The following GPR107 variants were observed in gnomAD, a reference collection of about 807,000 sequenced individuals.
The protein encoded by GPR107 is G protein-coupled receptor 107, also known as protein GPR107.
GPR107 carries 31 observed loss-of-function variants against 75.5 expected under a neutral mutation model. The ratio of observed to expected loss-of-function variants is 0.41; its 90% CI spans 0.31 to 0.55. The LOEUF is 0.55. Ranked by LOEUF, GPR107 falls within the 20% of genes least tolerant of loss-of-function variation. The probability of loss-of-function intolerance (pLI) is 0.26; values close to 1 mark genes in which losing one functional copy is unlikely to be tolerated. For missense variants in GPR107, 572 were observed against 665.7 expected (o/e 0.86, Z 1.55); for synonymous variants, 267 against 251.3 (o/e 1.06, Z -0.59).
At chr9:130,100,756 G>C (rs2277196) in intron 11 of GPR107, 54 bp downstream of exon 11, 798,016 of 1,332,578 alleles carry the variant, frequency 0.6, 241,149 homozygotes, top group East Asian at 0.76. Flanking sequence ...CAAGACAAGG[G>C]GGGTGGGCAA....
intron 5 of GPR107, among the ~76,000 whole-genome samples, chr9:130,081,697 A>G (rs1830496646): frequency 6.6e-6 from 1 of 151,316 alleles, no homozygotes; most frequent in Non-Finnish European, 1.5e-5. Context: ...AAAAACAAAA[A>G]ACACAAAAAT....
intron 14 of GPR107, among the ~76,000 whole-genome samples, chr9:130,116,177 T>C (rs754600431): frequency 1.3e-5 from 2 of 152,172 alleles, no homozygotes; most frequent in Non-Finnish European, 2.9e-5. Flanking sequence ...TTTTTAGGCC[T>C]TTAAAGTGTT....
At chr9:130,090,686 G>A (rs1312836729) in intron 7 of GPR107, among the ~76,000 whole-genome samples, 190 bp from the exon 8 acceptor site, 1 of 152,126 alleles carries the variant, frequency 6.6e-6, no homozygotes, top group Non-Finnish European at 1.5e-5. Context: ...TGGGAGAGTC[G>A]ATAATTTAAG....
intron 1 of GPR107, among the ~76,000 whole-genome samples, chr9:130,060,876 G>T (rs1277811953): frequency 6.6e-6 from 1 of 152,196 alleles, no homozygotes. Flanking sequence ...GCTGTCGAGT[G>T]CAGTGTAACT....
At chr9:130,101,259 C>G (rs370969286) in intron 12 of GPR107, 36 bp downstream of exon 12, 6 of 1,137,900 alleles carry the variant, frequency 5.3e-6, no homozygotes, top group Non-Finnish European at 8.0e-6. Context: ...CACTTCCTTT[C>G]TTGGCGCTTA....
chr9:130,115,436 A>G (rs569023547), intron 14 of GPR107, among the ~76,000 whole-genome samples: 1 of 151,214 alleles, frequency 6.6e-6, no homozygotes, highest in South Asian at 2.1e-4. Flanking sequence ...GACCTCAAAG[A>G]GCAGTTCTGC....
At chr9:130,128,895 A>C in intron 17 of GPR107, 134 bp downstream of exon 17, 2 of 774,602 alleles carry the variant, frequency 2.6e-6, no homozygotes, top group Non-Finnish European at 4.2e-6. Context: ...AGCAGAAGGA[A>C]GCGGACACTG....
At chr9:130,062,656 GCCTGCCTTCCTTCCTTCCTT>G (rs1283725686) in intron 1 of GPR107, among the ~76,000 whole-genome samples, 3 of 46,098 alleles carry the variant, frequency 6.5e-5, no homozygotes, top group South Asian at 7.5e-4. Flanking sequence ...CTGCCTGCCT[GCCTGCCTTCCTTCCTTCCTT>G]CCTTCCTTCC....
intron 1 of GPR107, among the ~76,000 whole-genome samples, chr9:130,060,063 CGGGGGGAGGTTG>C (rs1657987994): frequency 6.7e-6 from 1 of 150,352 alleles, no homozygotes; most frequent in African/African-American, 2.4e-5. Flanking sequence ...AGTTTTATTT[CGGGGGGAGGTTG>C]GGGGGCGCAC....
At chr9:130,071,033 T>TC (rs370408667) in intron 1 of GPR107, among the ~76,000 whole-genome samples, 51 of 75,996 alleles carry the variant, frequency 6.7e-4, no homozygotes, top group Admixed American at 2.8e-3. Flanking sequence ...CTTTTTTTTT[T>TC]TCTTTTTTTT....
chr9:130,128,913 A>G (rs1831751772), intron 17 of GPR107, 152 bp downstream of exon 17: 1 of 684,914 alleles, frequency 1.5e-6, no homozygotes, highest in Non-Finnish European at 2.5e-6. Context: ...CTGGAGCCCC[A>G]GGCTGTCTGA....
At chr9:130,072,420 C>T (rs995744492) in intron 1 of GPR107, among the ~76,000 whole-genome samples, 2 of 151,916 alleles carry the variant, frequency 1.3e-5, no homozygotes, top group Admixed American at 6.6e-5. Flanking sequence ...GAGGTTTCAC[C>T]GTGTTAGCCA....
At chr9:130,132,415 G>A (rs929190222) in intron 17 of GPR107, among the ~76,000 whole-genome samples, 7 of 152,160 alleles carry the variant, frequency 4.6e-5, no homozygotes, top group Non-Finnish European at 8.8e-5. Context: ...CTGGGCCCTC[G>A]ACAACCCTGC....
intron 1 of GPR107, among the ~76,000 whole-genome samples, chr9:130,061,545 T>C (rs746324361): frequency 3.9e-5 from 6 of 152,110 alleles, no homozygotes; most frequent in Non-Finnish European, 8.8e-5. Context: ...CATGGTAGGA[T>C]GTGTGGATTT....
chr9:130,106,325 G>A (rs1350266041), intron 13 of GPR107, among the ~76,000 whole-genome samples: 7 of 152,064 alleles, frequency 4.6e-5, no homozygotes, highest in East Asian at 1.9e-4. Flanking sequence ...TAGGCTGGGC[G>A]CGGTGGTTCA....
In GPR107 at chr9:130,138,372, C is replaced by T. The variant is rs1554900280; in HGVS notation, c.*3251C>T. The T allele has an allele frequency of 6.6e-6, 1 of 152,290 alleles. No homozygotes were observed. The highest frequency in any genetic ancestry group is 1.5e-5 in the Non-Finnish European group (1 of 68,196). 9.4% of individuals were successfully genotyped at this position (152,290 alleles called of 1,614,324 possible). A position where few individuals can be genotyped will look rare whatever the true frequency, so the allele number is the denominator to read the frequency against. ...GAGATTTCCTCCTGCGTGATGACCT[C>T]ATCGCCATCTCTGCTGTCTCATTCC... On this transcript the variant is annotated 3_prime_UTR_variant, in exon 18 of 18. Transcript: ENST00000347136.
intron 1 of GPR107, among the ~76,000 whole-genome samples, chr9:130,072,683 T>A (rs1034762580): frequency 6.6e-6 from 1 of 151,866 alleles, no homozygotes; most frequent in Non-Finnish European, 1.5e-5. Context: ...GAAATGATGA[T>A]GCAAAGGTTT....
chr9:130,075,266 A>G (rs866500369), intron 1 of GPR107, among the ~76,000 whole-genome samples: 6 of 131,842 alleles, frequency 4.6e-5, no homozygotes, highest in African/African-American at 1.5e-4. Flanking sequence ...TTTTTTTGAG[A>G]CAGAGTCTTG....
chr9:130,118,117 G>T (rs1480412387), intron 14 of GPR107, among the ~76,000 whole-genome samples: 1 of 152,116 alleles, frequency 6.6e-6, no homozygotes, highest in African/African-American at 2.4e-5. Flanking sequence ...TTACAAGCTG[G>T]GTAACTTTGG....
Sources: allele counts gnomAD v4.1 joint callset (sites outside exome capture counted in the v4.1 genomes callset), GRCh38; gene constraint gnomAD v4.1.1; transcripts MANE v1.5; gene names NCBI Gene and HGNC (gene_info 2026-07-23, HGNC 2026-07-21).